Variants in GATAD1 observed in about 807,000 individuals in gnomAD.
GATAD1 encodes the protein GATA zinc finger domain containing 1.
Under a neutral mutation model 26.5 loss-of-function variants are expected in GATAD1, and 12 were observed. That is an observed-to-expected ratio of 0.45 (90% CI 0.29 to 0.73). The LOEUF (loss-of-function observed/expected upper bound fraction) is 0.73, where lower values mean the gene tolerates loss of function less well. GATAD1 is among the 30% of genes least tolerant of loss of function. GATAD1 has a pLI of 0.10. For synonymous variants in GATAD1, 129 were observed against 133.1 expected (o/e 0.97, Z 0.21); for missense variants, 266 against 342.1 (o/e 0.78, Z 1.75).
chr7:92,468,285 G>A, the GATAD1 span: 4 of 177,502 alleles, frequency 2.3e-5, no homozygotes, highest in Non-Finnish European at 3.4e-5. Flanking sequence ...CCAGAGGGAT[G>A]GGAGTCAGCG....
At chr7:92,489,673 A>T in the GATAD1 span, 1 of 1,556,124 alleles carries the variant, frequency 6.4e-7, no homozygotes, top group Non-Finnish European at 8.9e-7. Context: ...AACAATTTTT[A>T]AGAAGTTTTA....
chr7:92,447,717 C>G lies in GATAD1; in HGVS notation c.-13C>G, dbSNP rs1789212249. Reference sequence around the variant, plus strand: ...TGTCTCTGCGCCCGCGGGGGCCGCCCGAGCCGGCCACCATGCCGCTGGGCC... The same window carrying G: ...TGTCTCTGCGCCCGCGGGGGCCGCCGGAGCCGGCCACCATGCCGCTGGGCC... On this transcript the variant is annotated 5_prime_UTR_variant, in exon 1 of 5. Coordinates refer to ENST00000287957, the MANE Select transcript of GATAD1 (RefSeq NM_021167.5). The G allele has an allele frequency of 2.1e-6, 3 of 1,454,222 alleles. No individual in the cohort carries two copies. The highest frequency in any genetic ancestry group is 1.5e-5 in the African/African-American group (1 of 66,714). 90.1% of individuals were successfully genotyped at this position (1,454,222 alleles called of 1,614,324 possible).
At chr7:92,492,711 C>T in the GATAD1 span, among the ~76,000 whole-genome samples, 1 of 152,152 alleles carries the variant, frequency 6.6e-6, no homozygotes, top group Non-Finnish European at 1.5e-5. Flanking sequence ...TCCTTGCAAA[C>T]ACCAACATGT....
At chr7:92,461,968 A>C (rs186216987), downstream of GATAD1, among the ~76,000 whole-genome samples, 4 of 152,350 alleles carry the variant, frequency 2.6e-5, no homozygotes, top group East Asian at 7.7e-4. Context: ...AGAGACCACT[A>C]GGGACCACCT....
the GATAD1 span, chr7:92,491,415 C>T: frequency 5.0e-6 from 8 of 1,613,694 alleles, no homozygotes; most frequent in South Asian, 1.1e-5. Flanking sequence ...CATTCTCCAT[C>T]TCCAGCTGAA....
the GATAD1 span, chr7:92,489,626 C>T: frequency 9.0e-6 from 11 of 1,225,248 alleles, no homozygotes; most frequent in South Asian, 1.3e-5. Flanking sequence ...AAATATAGCT[C>T]GTTTATAAGT....
the GATAD1 span, chr7:92,489,333 G>GT: frequency 6.2e-7 from 1 of 1,613,248 alleles, no homozygotes; most frequent in Non-Finnish European, 8.5e-7. Context: ...CTAATGGATG[G>GT]TCTTGTGTGA....
chr7:92,473,579 T>G, the GATAD1 span, among the ~76,000 whole-genome samples: 1 of 152,112 alleles, frequency 6.6e-6, no homozygotes. Flanking sequence ...TAATGGCCCC[T>G]GCTTTTGCTA....
chr7:92,470,492 C>T, the GATAD1 span: 3 of 596,474 alleles, frequency 5.0e-6, no homozygotes, highest in South Asian at 2.2e-5. Flanking sequence ...TTTTCAGGTT[C>T]CTTTGGCAGT....
intron 1 of GATAD1, among the ~76,000 whole-genome samples, chr7:92,448,535 C>A (rs1033303691): frequency 6.6e-6 from 1 of 152,162 alleles, no homozygotes; most frequent in Non-Finnish European, 1.5e-5. Context: ...TCTGGAGACG[C>A]CTGTCCAGCG....
At chr7:92,489,452 G>A in the GATAD1 span, 1 of 1,598,268 alleles carries the variant, frequency 6.3e-7, no homozygotes, top group Non-Finnish European at 8.6e-7. Context: ...TTGACGAAGA[G>A]TTAAATTAAG....
At chr7:92,479,967 G>A in the GATAD1 span, among the ~76,000 whole-genome samples, 2 of 152,128 alleles carry the variant, frequency 1.3e-5, no homozygotes, top group Non-Finnish European at 2.9e-5. Flanking sequence ...GTGCCCAAGG[G>A]GGTTCAGCAT....
At chr7:92,482,885 T>C in the GATAD1 span, among the ~76,000 whole-genome samples, 2 of 151,548 alleles carry the variant, frequency 1.3e-5, no homozygotes, top group Non-Finnish European at 2.9e-5. Flanking sequence ...CCCACAACAG[T>C]TATGGGGGAA....
rs916205399 is a variant in GATAD1, at chr7:92,447,535, T to A, written c.-195T>A. 10 of 568,306 alleles carry A rather than the reference T, an allele frequency of 1.8e-5. No individual in the cohort carries two copies. In the African/African-American group the frequency reaches 2.0e-4, roughly 11 times the overall value. The allele number at this position is 568,306 out of a possible 1,614,324, so 35.2% of individuals were successfully genotyped here. ...GGGCCAGGGAATCCTGGCCTCCGCC[T>A]GCGGAGCCGGCGGAACCCGCTTCCC... On this transcript the variant is annotated 5_prime_UTR_variant, in exon 1 of 5. Coordinates refer to ENST00000287957, the MANE Select transcript of GATAD1 (RefSeq NM_021167.5).
downstream of GATAD1, among the ~76,000 whole-genome samples, chr7:92,464,449 G>A (rs958528496): frequency 2.0e-5 from 3 of 152,166 alleles, no homozygotes; most frequent in African/African-American, 7.2e-5. Context: ...CCATATTTTT[G>A]TGGGTTTCTG....
the GATAD1 span, chr7:92,487,039 G>C: frequency 6.5e-6 from 1 of 154,352 alleles, no homozygotes; most frequent in Admixed American, 6.4e-5. Flanking sequence ...TAGGTAATAG[G>C]ATATTTTATT....
intron 2 of GATAD1, 51 bp downstream of exon 2, chr7:92,448,928 C>A: frequency 1.3e-6 from 2 of 1,540,524 alleles, no homozygotes; most frequent in Non-Finnish European, 1.8e-6. Flanking sequence ...TGTGTGTATC[C>A]TGCCACTGCC....
the GATAD1 span, chr7:92,491,289 C>T: frequency 6.2e-7 from 1 of 1,606,982 alleles, no homozygotes; most frequent in Non-Finnish European, 8.5e-7. Context: ...GAAGAGGTTC[C>T]ATTTCCAAGT....
the GATAD1 span, chr7:92,494,249 T>C: frequency 3.0e-6 from 4 of 1,338,704 alleles, no homozygotes; most frequent in South Asian, 3.6e-5. Context: ...AAGGAAAGAG[T>C]GTAGCATTTG....
Sources: allele counts gnomAD v4.1 joint callset (sites outside exome capture counted in the v4.1 genomes callset), GRCh38; gene constraint gnomAD v4.1.1; transcripts MANE v1.5; gene names NCBI Gene and HGNC (gene_info 2026-07-23, HGNC 2026-07-21).